The following SCML4 variants were observed in gnomAD, a reference collection of about 807,000 sequenced individuals.
The protein encoded by SCML4 is sex comb on midleg-like protein 4.
SCML4 carries 34 observed loss-of-function variants against 41.1 expected under a neutral mutation model. The observed-to-expected ratio is 0.83, with a 90% CI of 0.63 to 1.10. The LOEUF is 1.10. SCML4 is among the 50% of genes least tolerant of loss of function. The pLI is 0.00. For synonymous variants in SCML4, 214 were observed against 220.9 expected (o/e 0.97, Z 0.28); for missense variants, 522 against 534.1 (o/e 0.98, Z 0.22).
intron 1 of SCML4, among the ~76,000 whole-genome samples, chr6:107,808,807 G>A (rs977195597): frequency 3.3e-5 from 5 of 152,112 alleles, no homozygotes; most frequent in African/African-American, 4.8e-5. Flanking sequence ...TTGGGGATGT[G>A]TACTCAAGAA....
intron 2 of SCML4, among the ~76,000 whole-genome samples, chr6:107,755,310 C>A (rs796202834): frequency 3.5e-4 from 54 of 152,312 alleles, no homozygotes; most frequent in African/African-American, 1.2e-3. Flanking sequence ...AAGAAAAAGT[C>A]ACGAGCAACT....
chr6:107,778,403 T>C (rs954755732), intron 1 of SCML4, among the ~76,000 whole-genome samples: 1 of 151,340 alleles, frequency 6.6e-6, no homozygotes, highest in African/African-American at 2.4e-5. Flanking sequence ...AGTGCTTTAG[T>C]AGTCATTAAA....
chr6:107,773,054 A>G (rs1252881199), intron 1 of SCML4, among the ~76,000 whole-genome samples: 1 of 152,224 alleles, frequency 6.6e-6, no homozygotes, highest in Non-Finnish European at 1.5e-5. Context: ...AAAACAATCA[A>G]CTAGTTAAAA....
intron 1 of SCML4, among the ~76,000 whole-genome samples, chr6:107,778,602 A>G (rs754235212): frequency 6.6e-6 from 1 of 152,110 alleles, no homozygotes; most frequent in Non-Finnish European, 1.5e-5. Flanking sequence ...AGTAACTAAG[A>G]TCTGTTCTAT....
At chr6:107,755,719 A>T in intron 2 of SCML4, 1 of 865,574 alleles carries the variant, frequency 1.2e-6, no homozygotes, top group African/African-American at 1.8e-5. Flanking sequence ...AAAATAAAAC[A>T]CAGTTCTGAT....
At chr6:107,815,866 C>T (rs1784520649) in intron 1 of SCML4, among the ~76,000 whole-genome samples, 1 of 151,466 alleles carries the variant, frequency 6.6e-6, no homozygotes, top group South Asian at 2.1e-4. Flanking sequence ...GTCTGACAGG[C>T]CTAAAAGCTT....
At position 107,705,161 on chromosome 6, in the gene SCML4, T is replaced by C; in HGVS notation, c.*39A>G. 6.5e-7 allele frequency: 1 copy of C among 1,534,816 alleles called. No individual in the cohort carries two copies. The highest frequency in any genetic ancestry group is 8.8e-7 in the Non-Finnish European group (1 of 1,131,582). On this transcript the variant is annotated 3_prime_UTR_variant, in exon 8 of 8. Coordinates refer to ENST00000369020, the MANE Select transcript of SCML4 (RefSeq NM_198081.5). The stretch of plus-strand genomic sequence containing the variant: ...GGTAAGGCAGAAGATAATCTTGGGA[T>C]CTGTTGTTTTGGGTTTCGCTTCTGT...
intron 1 of SCML4, among the ~76,000 whole-genome samples, chr6:107,795,308 AT>A (rs150333198): frequency 7.2e-5 from 11 of 151,772 alleles, no homozygotes; most frequent in East Asian, 5.8e-4. Context: ...TAATATTGCC[AT>A]TTTTTTTAAC....
At chr6:107,832,275 A>T in the SCML4 span, among the ~76,000 whole-genome samples, 1 of 152,144 alleles carries the variant, frequency 6.6e-6, no homozygotes, top group African/African-American at 2.4e-5. Flanking sequence ...ATTCATTAGC[A>T]GGGAGTCCAA....
chr6:107,724,512 T>C (rs769618990), intron 5 of SCML4, among the ~76,000 whole-genome samples: 27 of 152,036 alleles, frequency 1.8e-4, no homozygotes, highest in Non-Finnish European at 3.8e-4. Context: ...GAAAATAAAA[T>C]TGAGAATAAT....
rs535121248 is a variant in SCML4, at chr6:107,722,135, C to T, written c.683-1142G>A. ...CTCCCGAGTAGCTGGAAGCACCATA[C>T]CCGGCTAATTTTTGTATTTTTAGTA... On this transcript the variant is annotated intron_variant, in intron 5 of 7. Coordinates refer to ENST00000369020, the MANE Select transcript of SCML4 (RefSeq NM_198081.5). 7.9e-5 allele frequency among the ~76,000 whole-genome samples: 12 copies of T among 151,908 alleles called. No individual in the cohort carries two copies. The East Asian group carries it at 2.1e-3, about 27-fold the overall frequency.
At chr6:107,799,977 T>C (rs1583617144) in intron 1 of SCML4, among the ~76,000 whole-genome samples, 1 of 152,040 alleles carries the variant, frequency 6.6e-6, no homozygotes, top group Non-Finnish European at 1.5e-5. Flanking sequence ...TTTTTTTTTT[T>C]TCTAGTATTG....
Position 107,705,016 on chromosome 6 carries a change from C to T in SCML4, c.*184G>A, listed in dbSNP as rs187419279. 3 of 671,364 alleles carry T rather than the reference C, an allele frequency of 4.5e-6. No individual in the cohort carries two copies. The highest frequency in any genetic ancestry group is 1.8e-5 in the South Asian group (1 of 56,658). The allele number at this position is 671,364 out of a possible 1,614,324, so 41.6% of individuals were successfully genotyped here. On this transcript the variant is annotated 3_prime_UTR_variant, in exon 8 of 8. Coordinates refer to ENST00000369020, the MANE Select transcript of SCML4 (RefSeq NM_198081.5). ...AAATTATGAACACAGAGGAGCCTCTCGAAAAGGTCCATGTTAAATTCTTCA... is the reference window on the plus strand; with the variant it reads ...AAATTATGAACACAGAGGAGCCTCTTGAAAAGGTCCATGTTAAATTCTTCA...
At chr6:107,806,720 T>C (rs1645775043) in intron 1 of SCML4, among the ~76,000 whole-genome samples, 1 of 152,154 alleles carries the variant, frequency 6.6e-6, no homozygotes, top group Non-Finnish European at 1.5e-5. Context: ...CCACTGGAGC[T>C]CCCACCCCAG....
At chr6:107,778,223 ATATATAT>A (rs1259645901) in intron 1 of SCML4, among the ~76,000 whole-genome samples, 11 of 3,142 alleles carry the variant, frequency 3.5e-3, no homozygotes, top group Non-Finnish European at 4.2e-3. Context: ...AAAAAAAAAA[ATATATAT>A]ATATATATAT....
intron 1 of SCML4, among the ~76,000 whole-genome samples, chr6:107,822,503 C>CTCTTCTT (rs1785017075): frequency 2.4e-5 from 1 of 41,580 alleles, no homozygotes; most frequent in African/African-American, 1.2e-4. Context: ...TTCTTTTTTT[C>CTCTTCTT]TTTTCTTTTT....
At chr6:107,759,384 G>A (rs1779396298) in intron 2 of SCML4, among the ~76,000 whole-genome samples, 2 of 131,530 alleles carry the variant, frequency 1.5e-5, no homozygotes, top group Admixed American at 1.5e-4. Context: ...CTGTTAGGCA[G>A]AATGGATGGG....
At chr6:107,798,051 A>G (rs1025990142) in intron 1 of SCML4, among the ~76,000 whole-genome samples, 1 of 152,000 alleles carries the variant, frequency 6.6e-6, no homozygotes, top group African/African-American at 2.4e-5. Flanking sequence ...TTGCATATAC[A>G]TGCATGAAGG....
intron 1 of SCML4, among the ~76,000 whole-genome samples, chr6:107,773,728 C>A (rs746651551): frequency 6.6e-6 from 1 of 151,804 alleles, no homozygotes; most frequent in African/African-American, 2.4e-5. Context: ...CTGGAATGTT[C>A]AGGAATGTGA....
Sources: gnomAD v4.1 joint callset for allele counts (sites outside exome capture counted in the v4.1 genomes callset) on GRCh38, gnomAD v4.1.1 for gene constraint, MANE v1.5 for transcripts, NCBI Gene and HGNC (gene_info 2026-07-23, HGNC 2026-07-21) for gene names.